ADGRG2: variants seen among roughly 807,000 people sequenced by gnomAD.
The protein encoded by ADGRG2 is adhesion G protein-coupled receptor G2, also known as G protein-coupled receptor 64.
ADGRG2 carries 26 observed loss-of-function variants against 74.1 expected under a neutral mutation model. That is an observed-to-expected ratio of 0.35 (90% CI 0.26 to 0.49). The LOEUF is 0.49. Ranked by LOEUF, ADGRG2 falls within the 20% of genes least tolerant of loss-of-function variation. The pLI, the probability that ADGRG2 is intolerant of heterozygous loss-of-function variation, is 0.99. For synonymous variants in ADGRG2, 296 were observed against 295.2 expected (o/e 1.00, Z -0.03); for missense variants, 619 against 763.1 (o/e 0.81, Z 2.22).
At chrX:19,001,301 TCAC>T (rs1010412170) in intron 24 of ADGRG2, among the ~76,000 whole-genome samples, 6 of 110,371 alleles carry the variant, frequency 5.4e-5, no homozygotes, top group Non-Finnish European at 1.1e-4. Context: ...AGAATCCTAT[TCAC>T]CACTGCACAC....
intron 3 of ADGRG2, among the ~76,000 whole-genome samples, chrX:19,049,248 T>C (rs1436974968): frequency 9.0e-6 from 1 of 111,604 alleles, no homozygotes; most frequent in East Asian, 2.8e-4. Context: ...ACTGCAACAC[T>C]TTCTGCCTCT....
intron 1 of ADGRG2, among the ~76,000 whole-genome samples, chrX:19,117,307 A>T (rs1032769141): frequency 1.9e-4 from 21 of 110,197 alleles, no homozygotes; most frequent in African/African-American, 5.6e-4. Context: ...AAAAAAAATT[A>T]AAAAATTAAA....
rs777109543 is a variant in ADGRG2 at position 19,001,985 on chromosome X, T to A, written c.2230+861A>T. 1.7e-3 allele frequency among the ~76,000 whole-genome samples: 188 copies of A among 110,941 alleles called. 1 individual carries two copies. The highest frequency in any genetic ancestry group is 6.0e-3 in the African/African-American group (184 of 30,517). ...GAAAAACAGGGGATTATACACACTG[T>A]TATATATTACTTGTAGATTATCTAA... On this transcript the variant is annotated intron_variant, in intron 24 of 28. Transcript: ENST00000379869.
At chrX:19,004,385 A>G (rs1227149342) in intron 23 of ADGRG2, among the ~76,000 whole-genome samples, 3 of 112,503 alleles carry the variant, frequency 2.7e-5, no homozygotes, top group Non-Finnish European at 5.6e-5. Flanking sequence ...TTTGCTCAGT[A>G]TAATTTAGAA....
intron 1 of ADGRG2, among the ~76,000 whole-genome samples, chrX:19,105,860 G>A (rs1483285430): frequency 2.9e-5 from 3 of 101,945 alleles, no homozygotes; most frequent in East Asian, 3.0e-4. Flanking sequence ...CCTGGGAGGC[G>A]GAGGTTGCAG....
intron 2 of ADGRG2, among the ~76,000 whole-genome samples, chrX:19,076,429 A>C (rs1340531730): frequency 1.8e-5 from 2 of 111,544 alleles, no homozygotes; most frequent in Non-Finnish European, 3.8e-5. Flanking sequence ...AGGTGCCCAG[A>C]ACTAGGGGTA....
chrX:19,005,959 C>T, intron 22 of ADGRG2, 43 bp downstream of exon 22: 1 of 809,708 alleles, frequency 1.2e-6, no homozygotes, highest in East Asian at 3.1e-5. Context: ...CCCAGCTACC[C>T]CTCAGACTCA....
At position 19,010,707 on chromosome X, in the gene ADGRG2, C is replaced by T. The variant is rs773350402; in HGVS notation, c.1171G>A (p.Gly391Ser). Residue 391 changes from glycine (G) to serine (S), a missense_variant, in exon 17 of 29, where the codon GGC (glycine) becomes AGC (serine). Physicochemically the swap from Gly to Ser is moderately conservative, Grantham distance 56 (BLOSUM62 0). Transcript: ENST00000379869. The stretch of plus-strand genomic sequence containing the variant: ...CCTGCGAGGTTAGGCTCCAGGCTGC[C>T]CAAGGACAGAGCCTTCTCCATCTGC... ...VLQMEKALSL[G>S]SLEPNLAGEM... 8.3e-7 allele frequency: 1 copy of T among 1,204,465 alleles called. No individual in the cohort carries two copies. Among genetic ancestry groups the T allele is most frequent in the Non-Finnish European group, 1.1e-6 (1 of 889,359 alleles).
At chrX:19,046,903 C>A (rs2061203433) in intron 3 of ADGRG2, among the ~76,000 whole-genome samples, 1 of 111,604 alleles carries the variant, frequency 9.0e-6, no homozygotes, top group African/African-American at 3.3e-5. Flanking sequence ...CTGTCACTGA[C>A]ACCCACTGGC....
intron 12 of ADGRG2, 53 bp downstream of exon 12, chrX:19,023,856 C>T: frequency 1.2e-6 from 1 of 838,724 alleles, no homozygotes; most frequent in Non-Finnish European, 1.8e-6. Context: ...CCTATGCTTT[C>T]CCCCAGGTCA....
intron 3 of ADGRG2, among the ~76,000 whole-genome samples, chrX:19,065,261 C>CAAAAAAAAAAAAAAAAAAAAAAAAAAAAA (rs749063279): frequency 9.0e-5 from 1 of 11,147 alleles, no homozygotes; most frequent in African/African-American, 3.2e-4. Context: ...GATCCTGTCT[C>CAAAAAAAAAAAAAAAAAAAAAAAAAAAAA]AAAAAAAAAA....
At chrX:19,082,128 A>AAAAG (rs1173840864) in intron 2 of ADGRG2, among the ~76,000 whole-genome samples, 1 of 110,119 alleles carries the variant, frequency 9.1e-6, no homozygotes, top group Non-Finnish European at 1.9e-5. Flanking sequence ...AAGAAAAGAA[A>AAAAG]AAAGAAAGAA....
chrX:19,021,557 T>C (rs2060589114), intron 13 of ADGRG2, among the ~76,000 whole-genome samples: 1 of 111,729 alleles, frequency 9.0e-6, no homozygotes, highest in Admixed American at 9.5e-5. Flanking sequence ...CCCAAAACAC[T>C]AGCTGGCCAC....
chrX:19,073,992 A>G (rs1338853056), intron 2 of ADGRG2, among the ~76,000 whole-genome samples: 1 of 112,001 alleles, frequency 8.9e-6, no homozygotes, highest in Non-Finnish European at 1.9e-5. Context: ...AAAAAGTGAA[A>G]AAGCAGTTGA....
At chrX:19,121,448 T>G (rs1003370270) in intron 1 of ADGRG2, among the ~76,000 whole-genome samples, 1 of 111,569 alleles carries the variant, frequency 9.0e-6, no homozygotes, top group Non-Finnish European at 1.9e-5. Context: ...CAAGTGTTTT[T>G]GCGTGCGTTT....
Position 18,991,203 on chromosome X carries a change from A to C in ADGRG2, c.2870-155T>G, listed in dbSNP as rs147428565. Among the ~76,000 whole-genome samples the C allele has an allele frequency of 9.5e-3, 1,064 of 112,011 alleles. 15 individuals are homozygous for C. Among genetic ancestry groups the C allele is most frequent in the African/African-American group, 0.032 (987 of 30,861 alleles). On this transcript the variant is annotated intron_variant, in intron 28 of 28. Transcript: ENST00000379869. ...TATGTTCATATTTTATTTATTTTTC[A>C]TTACTTCCCTAAGGCCACTCAAAGT... is the stretch of plus-strand genomic sequence containing the variant.
At chrX:19,027,581 G>A (rs73445616) in intron 10 of ADGRG2, among the ~76,000 whole-genome samples, 112 of 112,197 alleles carry the variant, frequency 1.0e-3, no homozygotes, top group African/African-American at 2.9e-3. Flanking sequence ...TTTATTTCAC[G>A]AGTTCCTCAC....
chrX:19,092,638 C>T (rs750428127), intron 1 of ADGRG2, among the ~76,000 whole-genome samples: 18 of 111,588 alleles, frequency 1.6e-4, no homozygotes, highest in African/African-American at 5.5e-4. Flanking sequence ...CCCTTTTTAC[C>T]TGCTCTTACC....
chrX:19,000,386 C>T (rs1277304042), intron 24 of ADGRG2, among the ~76,000 whole-genome samples: 1 of 111,784 alleles, frequency 8.9e-6, no homozygotes, highest in East Asian at 2.8e-4. Flanking sequence ...GCTAGCTGTT[C>T]ACCAGGCTGG....
Sources: allele counts gnomAD v4.1 joint callset (sites outside exome capture counted in the v4.1 genomes callset), GRCh38; gene constraint gnomAD v4.1.1; transcripts MANE v1.5; gene names NCBI Gene and HGNC (gene_info 2026-07-23, HGNC 2026-07-21).